Variants in RC3H1 observed in about 807,000 individuals in gnomAD.
RC3H1 encodes the protein roquin-1.
In RC3H1, 50 loss-of-function variants were observed where a neutral mutation model predicts 138.2. The observed-to-expected ratio is 0.36, with a 90% CI of 0.29 to 0.46. The LOEUF (loss-of-function observed/expected upper bound fraction) is 0.46. RC3H1 is among the 20% of genes least tolerant of loss of function. RC3H1 has a pLI of 1.00. For missense variants in RC3H1, 1,031 were observed against 1,388.1 expected (o/e 0.74, Z 4.09); for synonymous variants, 462 against 489.1 (o/e 0.94, Z 0.73).
intron 9 of RC3H1, among the ~76,000 whole-genome samples, chr1:173,966,992 T>A (rs1464585855): frequency 6.6e-6 from 1 of 152,168 alleles, no homozygotes; most frequent in Non-Finnish European, 1.5e-5. Flanking sequence ...TCCCTTTATG[T>A]CAGTTCATTT....
intron 1 of RC3H1, among the ~76,000 whole-genome samples, chr1:174,018,231 AAAG>A (rs149159541): frequency 0.076 from 11,622 of 152,212 alleles, 515 homozygotes; most frequent in Admixed American, 0.1. Flanking sequence ...ATAACTGTCA[AAAG>A]AATATTGCTC....
At chr1:173,963,857 T>C (rs1311364545) in intron 11 of RC3H1, 116 bp downstream of exon 11, 1 of 756,560 alleles carries the variant, frequency 1.3e-6, no homozygotes, top group Non-Finnish European at 2.1e-6. Context: ...TATTAAAAAA[T>C]GCATTTATAC....
intron 17 of RC3H1, among the ~76,000 whole-genome samples, chr1:173,944,343 C>G (rs1233450815): frequency 6.6e-6 from 1 of 152,064 alleles, no homozygotes; most frequent in Non-Finnish European, 1.5e-5. Flanking sequence ...AAATATGTGG[C>G]AAGTTTCTAA....
chr1:173,984,426 TTA>T, intron 3 of RC3H1, 71 bp downstream of exon 3: 1 of 1,421,318 alleles, frequency 7.0e-7, no homozygotes, highest in Non-Finnish European at 9.5e-7. Flanking sequence ...TCCTCAGGAC[TTA>T]TATAGGATTA....
chr1:173,938,817 GT>G lies in RC3H1; in HGVS notation c.3305del (p.Asn1102ThrfsTer6). 6.2e-7 allele frequency: 1 copy of G among 1,613,572 alleles called. No homozygotes were observed. The highest frequency in any genetic ancestry group is 1.1e-5 in the South Asian group (1 of 91,054). The stretch of plus-strand genomic sequence containing the variant: ...CTGACAGGTTCAGAGAGCTGGTCTT[GT>G]TTGATAGGAGGCTGATATTCTCTTG... Reference protein sequence around the residue: ...LTQENISLLSNKTSSLNLSED... With the variant: ...LTQENISLLSXKTSSLNLSED... On this transcript the variant is annotated frameshift_variant, in exon 20 of 20. Transcript: ENST00000367696. LOFTEE classifies it high-confidence loss of function.
intron 9 of RC3H1, among the ~76,000 whole-genome samples, chr1:173,968,523 A>G (rs2102958107): frequency 6.6e-6 from 1 of 152,222 alleles, no homozygotes; most frequent in East Asian, 1.9e-4. Context: ...AGTTTACACG[A>G]GGGCAATTCA....
At chr1:174,014,666 T>C (rs985912787) in intron 1 of RC3H1, among the ~76,000 whole-genome samples, 6 of 152,190 alleles carry the variant, frequency 3.9e-5, no homozygotes, top group Admixed American at 2.6e-4. Context: ...AAAATAACAT[T>C]CATTAAAGGT....
intron 14 of RC3H1, among the ~76,000 whole-genome samples, chr1:173,951,330 C>CCA (rs1553225229): frequency 6.6e-6 from 1 of 151,448 alleles, no homozygotes; most frequent in Middle Eastern, 3.2e-3. Context: ...CATCCCCCCC[C>CCA]CAAAAAAAGA....
rs1661676753 is a variant in RC3H1, at chr1:174,007,521, T to C, written c.-150-14386A>G. On this transcript the variant is annotated intron_variant, in intron 1 of 19. Transcript: ENST00000367696. ...CTTTATCACCGAGGCTGGAGTGCAG[T>C]GGCATGATCATGGCTCACTGCAGCC... 2.0e-5 allele frequency among the ~76,000 whole-genome samples: 3 copies of C among 152,176 alleles called. 1 individual carries two copies. In the South Asian group the frequency reaches 6.2e-4, roughly 32 times the overall value.
intron 6 of RC3H1, among the ~76,000 whole-genome samples, chr1:173,979,262 G>A (rs1212406987): frequency 1.3e-5 from 2 of 152,168 alleles, no homozygotes; most frequent in Non-Finnish European, 2.9e-5. Flanking sequence ...AAAGCACTGC[G>A]TGTGATATGA....
At chr1:174,010,607 T>A (rs558079693) in intron 1 of RC3H1, among the ~76,000 whole-genome samples, 1 of 151,842 alleles carries the variant, frequency 6.6e-6, no homozygotes, top group African/African-American at 2.4e-5. Flanking sequence ...ATAGACGAGG[T>A]CTCACAATAT....
chr1:173,989,900 GT>G (rs1393167363), intron 2 of RC3H1, among the ~76,000 whole-genome samples: 2 of 148,268 alleles, frequency 1.3e-5, no homozygotes. Context: ...CTAATTTTTT[GT>G]ATTTTTAGTA....
In RC3H1 at chr1:173,961,092, G is replaced by A; in HGVS notation, c.2355C>T (p.Thr785=). 1 of 1,612,774 alleles carries A rather than the reference G, an allele frequency of 6.2e-7. No homozygotes were observed. Among genetic ancestry groups the A allele is most frequent in the South Asian group, 1.1e-5 (1 of 90,818 alleles). ...PFAPSPTLPP[T]FHPEEFLDED... ...ATTTGCTTACTTCTTCCGGATGAAAGGTAGGAGGCAAGGTTGGTGAAGGTG... is the reference window on the plus strand; with the variant it reads ...ATTTGCTTACTTCTTCCGGATGAAAAGTAGGAGGCAAGGTTGGTGAAGGTG... Residue 785 remains threonine, a synonymous_variant, in exon 13 of 20, where the codon ACC becomes ACT. Coordinates refer to ENST00000367696, the MANE Select transcript of RC3H1 (RefSeq NM_172071.4).
chr1:173,986,105 TC>T (rs1392257376), intron 2 of RC3H1, among the ~76,000 whole-genome samples: 2 of 150,396 alleles, frequency 1.3e-5, no homozygotes, highest in Non-Finnish European at 3.0e-5. Flanking sequence ...CACTGCAACC[TC>T]CGCCTCCTGG....
chr1:174,015,531 AT>A (rs202015358), intron 1 of RC3H1, among the ~76,000 whole-genome samples: 1,938 of 151,732 alleles, frequency 0.013, 42 homozygotes, highest in African/African-American at 0.043. Context: ...TGCCCGGCTA[AT>A]TTTTTTGTAT....
intron 7 of RC3H1, among the ~76,000 whole-genome samples, chr1:173,974,838 A>G (rs1660508111): frequency 6.6e-6 from 1 of 152,202 alleles, no homozygotes; most frequent in South Asian, 2.1e-4. Context: ...TCAGACAGAC[A>G]ACAGGAGGCT....
chr1:173,950,432 A>G (rs1659342447), intron 14 of RC3H1, among the ~76,000 whole-genome samples: 1 of 150,310 alleles, frequency 6.7e-6, no homozygotes, highest in African/African-American at 2.5e-5. Flanking sequence ...AAAAAAAAAA[A>G]AAAAAAAAAG....
intron 13 of RC3H1, 39 bp from the exon 14 acceptor site, chr1:173,952,177 A>C: frequency 7.0e-7 from 1 of 1,431,750 alleles, no homozygotes; most frequent in Non-Finnish European, 9.3e-7. Context: ...AAAAAAAAAA[A>C]GAGAAAGAAA....
At chr1:173,939,528 CAAAAAAA>C (rs61301994) in intron 19 of RC3H1, among the ~76,000 whole-genome samples, 3 of 35,942 alleles carry the variant, frequency 8.3e-5, no homozygotes, top group Non-Finnish European at 1.5e-4. Flanking sequence ...GAGATTTTAT[CAAAAAAA>C]AAAAAAAAAA....
Sources: allele counts gnomAD v4.1 joint callset (sites outside exome capture counted in the v4.1 genomes callset), GRCh38; gene constraint gnomAD v4.1.1; transcripts MANE v1.5; gene names NCBI Gene and HGNC (gene_info 2026-07-23, HGNC 2026-07-21).